KAT14: variants seen among roughly 807,000 people sequenced by gnomAD.
The protein encoded by KAT14 is lysine acetyltransferase 14.
In KAT14, 66 loss-of-function variants were observed where a neutral mutation model predicts 78.4. The ratio of observed to expected loss-of-function variants is 0.84; its 90% CI spans 0.69 to 1.03. KAT14 has a LOEUF of 1.03. Among genes scored for constraint, KAT14 ranks in the 50% least tolerant of loss-of-function variants. KAT14 has a pLI of 0.00. For missense variants in KAT14, 870 were observed against 972.5 expected (o/e 0.89, Z 1.40); for synonymous variants, 344 against 359.4 (o/e 0.96, Z 0.48).
chr20:18,168,337 G>C (rs1340976458), intron 7 of KAT14, among the ~76,000 whole-genome samples: 10 of 152,034 alleles, frequency 6.6e-5, no homozygotes, highest in Non-Finnish European at 1.5e-4. Context: ...AGACCAGCCT[G>C]GACAATATGG....
chr20:18,169,405 G>A (rs985115913), intron 7 of KAT14, among the ~76,000 whole-genome samples: 5 of 152,036 alleles, frequency 3.3e-5, no homozygotes, highest in East Asian at 1.9e-4. Context: ...TGTGTCTCAC[G>A]TTTTGGCAGT....
chr20:18,147,895 A>G (rs2037884837), intron 3 of KAT14, among the ~76,000 whole-genome samples: 1 of 152,116 alleles, frequency 6.6e-6, no homozygotes, highest in African/African-American at 2.4e-5. Context: ...CACTTTGCAT[A>G]TTTAATTAGA....
At chr20:18,181,605 G>A (rs2039254670) in intron 7 of KAT14, 105 bp from the exon 8 acceptor site, 1 of 1,511,128 alleles carries the variant, frequency 6.6e-7, no homozygotes, top group Non-Finnish European at 9.0e-7. Context: ...TTGTGACCTT[G>A]TGATCCGCCT....
chr20:18,137,304 A>G (rs2037337770), upstream of KAT14, among the ~76,000 whole-genome samples: 1 of 151,836 alleles, frequency 6.6e-6, no homozygotes, highest in Non-Finnish European at 1.5e-5. Flanking sequence ...TATAATAATA[A>G]TAATAATAAT....
At chr20:18,181,364 C>CTTTTTTTTTTTTTTTTGTTTTTT (rs2039241380) in intron 7 of KAT14, among the ~76,000 whole-genome samples, 1 of 106,800 alleles carries the variant, frequency 9.4e-6, no homozygotes, top group Non-Finnish European at 1.9e-5. Context: ...AATTTTGTTT[C>CTTTTTTTTTTTTTTTTGTTTTTT]TTTTTTTTTT....
chr20:18,182,831 C>T (rs2039309486), intron 8 of KAT14, among the ~76,000 whole-genome samples: 1 of 152,170 alleles, frequency 6.6e-6, no homozygotes, highest in African/African-American at 2.4e-5. Flanking sequence ...GATGCATCCT[C>T]ATGTCTGACT....
chr20:18,183,632 CTT>C (rs2039347825), intron 9 of KAT14: 4 of 741,242 alleles, frequency 5.4e-6, no homozygotes, highest in African/African-American at 1.9e-5. Context: ...TGTTTGGACA[CTT>C]TTGTTTTTGG....
chr20:18,142,975 T>G, intron 2 of KAT14, 56 bp downstream of exon 2: 5 of 1,588,284 alleles, frequency 3.1e-6, no homozygotes, highest in Non-Finnish European at 4.3e-6. Flanking sequence ...GGTTTGTTTT[T>G]CCAACCTGTG....
chr20:18,173,432 C>T (rs2038924559), intron 7 of KAT14, among the ~76,000 whole-genome samples: 2 of 152,182 alleles, frequency 1.3e-5, no homozygotes, highest in South Asian at 4.1e-4. Context: ...CTTGATTTTT[C>T]ACTTTGTTCA....
At chr20:18,187,154 A>G (rs980345484) in intron 10 of KAT14, 132 bp from the exon 11 acceptor site, 10 of 1,181,492 alleles carry the variant, frequency 8.5e-6, no homozygotes, top group African/African-American at 3.2e-5. Flanking sequence ...AGGTGTTGCA[A>G]TGTCTCAGCC....
At position 18,161,953 on chromosome 20, in the gene KAT14, A is replaced by G. The variant is rs145281280; in HGVS notation, c.813A>G (p.Arg271=). 5 of 1,614,160 alleles carry G rather than the reference A, an allele frequency of 3.1e-6. No individual in the cohort carries two copies. In the African/African-American group the frequency reaches 6.7e-5, roughly 22 times the overall value. ...GAACTCAGGAAGCAAAAGACATTAG[A>G]AGAGCCCAGAAGGAGGCCGCTGGCT... ...RSRTQEAKDI[R]RAQKEAAGFL... is the part of the protein sequence containing the mutation. The change falls in exon 6 of 11, where the codon AGA becomes AGG. Residue 271 remains arginine, a synonymous_variant. Transcript: ENST00000688188.
At chr20:18,166,420 T>C (rs1380825097) in intron 7 of KAT14, among the ~76,000 whole-genome samples, 1 of 152,220 alleles carries the variant, frequency 6.6e-6, no homozygotes, top group East Asian at 1.9e-4. Flanking sequence ...GCGTAGACTG[T>C]GGGCTGGAAC....
At position 18,162,858 on chromosome 20, in the gene KAT14, C is replaced by G. The variant is rs1196450190; in HGVS notation, c.1581C>G (p.Ala527=). Residue 527 remains alanine (A), a synonymous_variant, in exon 7 of 11, where the codon GCC becomes GCG. Transcript: ENST00000688188. ...ALLLVDGIYG[A]KEGGISRLPA... is the part of the protein sequence containing the mutation. ...TGTTAGTTGACGGGATTTATGGAGC[C>G]AAAGAAGGAGGAATTTCCAGACTTC... 1 of 1,614,116 alleles carries G rather than the reference C, an allele frequency of 6.2e-7. No individual in the cohort carries two copies. Among genetic ancestry groups the G allele is most frequent in the East Asian group, 2.2e-5 (1 of 44,872 alleles).
intron 3 of KAT14, among the ~76,000 whole-genome samples, chr20:18,147,333 A>G (rs1372377147): frequency 6.6e-6 from 1 of 152,202 alleles, no homozygotes; most frequent in Non-Finnish European, 1.5e-5. Context: ...TCAAGTGTAC[A>G]TGGGATACTG....
chr20:18,159,920 G>C (rs994785483), intron 5 of KAT14, among the ~76,000 whole-genome samples: 1 of 152,116 alleles, frequency 6.6e-6, no homozygotes, highest in Non-Finnish European at 1.5e-5. Flanking sequence ...TTGCTTGTTT[G>C]TTTATTTATT....
At chr20:18,137,540 G>C (rs2037341086), upstream of KAT14, among the ~76,000 whole-genome samples, 1 of 152,218 alleles carries the variant, frequency 6.6e-6, no homozygotes. Context: ...GGATCAGTCA[G>C]GGGCTCAGAA....
intron 4 of KAT14, among the ~76,000 whole-genome samples, chr20:18,152,591 C>CAAA (rs2038088957): frequency 2.0e-5 from 3 of 152,164 alleles, no homozygotes; most frequent in African/African-American, 4.8e-5. Flanking sequence ...AAACAAACAA[C>CAAA]CAACCAAAAA....
intron 4 of KAT14, among the ~76,000 whole-genome samples, chr20:18,151,481 G>T (rs2038039698): frequency 6.6e-6 from 1 of 151,354 alleles, no homozygotes. Context: ...ACAGGCGTGA[G>T]CCACTGCGCC....
chr20:18,159,220 A>G lies in KAT14; in HGVS notation c.637A>G (p.Lys213Glu), dbSNP rs1490718780. Residue 213 changes from lysine (K) to glutamate (E), a missense_variant, in exon 5 of 11, where the codon AAA becomes GAA. Physicochemically the swap from Lys to Glu is moderately conservative, Grantham distance 56. Transcript: ENST00000688188. ...KLVHNKPPTM[K>E]PEGEKLSAST... is the part of the protein sequence containing the mutation. ...TGTTCATAACAAGCCCCCAACGATG[A>G]AACCTGAAGGAGAGAAGTTGTCTGC... 6.2e-7 allele frequency: 1 copy of G among 1,614,100 alleles called. No homozygotes were observed. The highest frequency in any genetic ancestry group is 1.7e-5 in the Admixed American group (1 of 59,970).
Sources: gnomAD v4.1 joint callset for allele counts (sites outside exome capture counted in the v4.1 genomes callset) on GRCh38, gnomAD v4.1.1 for gene constraint, MANE v1.5 for transcripts, NCBI Gene and HGNC (gene_info 2026-07-23, HGNC 2026-07-21) for gene names.